Variants in HIVEP3 observed in about 807,000 individuals in gnomAD.
HIVEP3 encodes the protein HIVEP zinc finger 3, also known as transcription factor HIVEP3.
HIVEP3 carries 49 observed loss-of-function variants against 152.8 expected under a neutral mutation model. The observed-to-expected ratio is 0.32, with a 90% CI of 0.26 to 0.41. The LOEUF is 0.41. HIVEP3 is among the 10% of genes least tolerant of loss of function. The pLI is 1.00. For synonymous variants in HIVEP3, 1,269 were observed against 1,289.0 expected (o/e 0.98, Z 0.33); for missense variants, 2,790 against 3,103.3 (o/e 0.90, Z 2.40).
chr1:41,696,507 C>T (rs1013072169), intron 2 of HIVEP3, among the ~76,000 whole-genome samples: 3 of 152,238 alleles, frequency 2.0e-5, no homozygotes, highest in Admixed American at 1.3e-4. Context: ...CCAAGGCCAG[C>T]GGGCCTGAGA....
rs1645765397 is a variant in HIVEP3 at position 41,664,560 on chromosome 1, G to A, written c.-720-35613C>T. Among the ~76,000 whole-genome samples, 4 of 152,158 alleles carry A rather than the reference G, an allele frequency of 2.6e-5. No individual in the cohort carries two copies. ...CTCTTCCTCAGACTGGGAGCTTCAG[G>A]GAACTTTCCATCTTGATCCCTCTCC... On this transcript the variant is annotated intron_variant, in intron 2 of 8. Transcript: ENST00000372583. The surrounding 1 kb of genome is among the most constrained non-coding windows in gnomAD (Gnocchi z 4.4).
chr1:41,949,821 C>T (rs999276665), intron 1 of HIVEP3, among the ~76,000 whole-genome samples: 3 of 152,198 alleles, frequency 2.0e-5, no homozygotes, highest in African/African-American at 7.2e-5. Flanking sequence ...TACCGTGGAT[C>T]CCTGGACCAG....
At chr1:41,997,589 A>G (rs1645403364) in intron 1 of HIVEP3, among the ~76,000 whole-genome samples, 1 of 152,228 alleles carries the variant, frequency 6.6e-6, no homozygotes, top group African/African-American at 2.4e-5. Context: ...CAAGTTTTAA[A>G]TTATGTGAGT....
intron 1 of HIVEP3, among the ~76,000 whole-genome samples, chr1:41,915,849 G>A (rs989562369): frequency 6.6e-6 from 1 of 152,218 alleles, no homozygotes; most frequent in African/African-American, 2.4e-5. Context: ...AGTGCTGCCT[G>A]TTGATACAGC....
chr1:41,953,760 A>T (rs147330662), intron 1 of HIVEP3, among the ~76,000 whole-genome samples: 472 of 152,356 alleles, frequency 3.1e-3, no homozygotes, highest in African/African-American at 0.011. Context: ...AATGAGAGGA[A>T]GAAGGAAGGA....
chr1:41,844,272 AAGG>A (rs1449083722), intron 1 of HIVEP3, among the ~76,000 whole-genome samples: 1 of 152,212 alleles, frequency 6.6e-6, no homozygotes, highest in Non-Finnish European at 1.5e-5. Context: ...CTAAACTAAC[AAGG>A]AGAAGAACGC....
chr1:41,881,349 C>T (rs1465791625), intron 1 of HIVEP3, among the ~76,000 whole-genome samples: 1 of 152,202 alleles, frequency 6.6e-6, no homozygotes, highest in Non-Finnish European at 1.5e-5. Context: ...AAGGCCAAGT[C>T]TCTGGGGCAA....
intron 3 of HIVEP3, among the ~76,000 whole-genome samples, chr1:41,594,528 TTA>T: frequency 6.6e-6 from 1 of 152,212 alleles, no homozygotes; most frequent in South Asian, 2.1e-4. Flanking sequence ...GGCCGATATC[TTA>T]TGTTTTAAAA....
rs141142079 is a variant in HIVEP3 at position 41,513,178 on chromosome 1, C to T, written c.6043G>A (p.Val2015Met). 1,057 of 1,613,838 alleles carry T rather than the reference C, an allele frequency of 6.5e-4. No homozygotes were observed. Among genetic ancestry groups the T allele is most frequent in the Non-Finnish European group, 8.2e-4 (967 of 1,179,974 alleles). Residue 2015 changes from valine (V) to methionine (M), a missense_variant, in exon 8 of 9, where the codon GTG becomes ATG. Transcript: ENST00000372583. ...GCGCCCATGCCCCTTCCTGGGTCCA[C>T]GTGCAGGCCAGGTGGGCTTGGGGCT... ...ASAPSPPGLH[V>M]DPGRGMGALP...
chr1:41,795,021 C>T (rs995567862), intron 1 of HIVEP3, among the ~76,000 whole-genome samples: 3 of 152,174 alleles, frequency 2.0e-5, no homozygotes, highest in Non-Finnish European at 4.4e-5. Context: ...TCAAATGGAC[C>T]TAAGACTATA....
chr1:41,547,803 C>G (rs951960065), intron 5 of HIVEP3, among the ~76,000 whole-genome samples: 9 of 152,312 alleles, frequency 5.9e-5, no homozygotes, highest in Admixed American at 5.9e-4. Context: ...GTGGCCTCTT[C>G]CATTTGATGG....
chr1:41,970,306 G>T (rs1478460173), intron 1 of HIVEP3, among the ~76,000 whole-genome samples: 5 of 152,176 alleles, frequency 3.3e-5, no homozygotes, highest in Non-Finnish European at 7.3e-5. Flanking sequence ...ATCAATGATG[G>T]ACTAGATAAA....
chr1:41,709,377 T>A (rs939356047), intron 1 of HIVEP3, among the ~76,000 whole-genome samples: 2 of 152,192 alleles, frequency 1.3e-5, no homozygotes, highest in African/African-American at 4.8e-5. Context: ...GACAGCTGCA[T>A]CCGGGTCATG....
chr1:41,610,161 C>G (rs1280032518), intron 3 of HIVEP3, among the ~76,000 whole-genome samples: 1 of 152,208 alleles, frequency 6.6e-6, no homozygotes, highest in African/African-American at 2.4e-5. Flanking sequence ...AAATCTCTCT[C>G]TCTGTATACA....
chr1:42,008,501 A>G (rs1645474199), intron 1 of HIVEP3, among the ~76,000 whole-genome samples: 1 of 152,174 alleles, frequency 6.6e-6, no homozygotes, highest in Non-Finnish European at 1.5e-5. Context: ...TGCTTTCTAA[A>G]TCGGCTCCAC....
intron 1 of HIVEP3, among the ~76,000 whole-genome samples, chr1:41,813,673 A>G (rs1436257247): frequency 6.6e-6 from 1 of 152,242 alleles, no homozygotes; most frequent in Non-Finnish European, 1.5e-5. Context: ...GGGACCATGC[A>G]GTGCTCTCTG....
chr1:41,701,802 T>C (rs1461229043), intron 1 of HIVEP3, among the ~76,000 whole-genome samples: 1 of 152,240 alleles, frequency 6.6e-6, no homozygotes, highest in African/African-American at 2.4e-5. Flanking sequence ...ACATACTCAT[T>C]TGAGACATAT....
chr1:41,801,872 G>C (rs548175633), intron 1 of HIVEP3, among the ~76,000 whole-genome samples: 2 of 152,300 alleles, frequency 1.3e-5, no homozygotes, highest in East Asian at 3.9e-4. Context: ...AAGGGCCTTC[G>C]TTGCTTTGAC....
chr1:41,510,944 C>A lies in HIVEP3; in HGVS notation c.6728G>T (p.Arg2243Leu), dbSNP rs770448762. Residue 2243 changes from arginine (R) to leucine (L), a missense_variant, in exon 9 of 9, where the codon CGC (arginine) becomes CTC (leucine). By Grantham distance (102) the Arg-to-Leu change is moderately radical. Around this residue, in one of 9 missense-constraint regions of HIVEP3, gnomAD observed 816 missense variants for 806.5 expected, o/e 1.01. Transcript: ENST00000372583. ...TGAREAQERGRWSPTESSSAS... is the reference protein window; with the variant it reads ...TGAREAQERGLWSPTESSSAS... The stretch of plus-strand genomic sequence containing the variant: ...TGACGAGCTCTCAGTGGGACTCCAG[C>A]GGCCTCGCTCCTGGGCCTCCCGGGC... 1 of 1,613,454 alleles carries A rather than the reference C, an allele frequency of 6.2e-7. No individual in the cohort carries two copies. The highest frequency in any genetic ancestry group is 8.5e-7 in the Non-Finnish European group (1 of 1,179,868).
Sources: gnomAD v4.1 joint callset for allele counts (sites outside exome capture counted in the v4.1 genomes callset) on GRCh38, gnomAD v4.1.1 for gene constraint, gnomAD v4.1.1 regional missense constraint, Gnocchi (gnomAD v3.1) non-coding constraint, MANE v1.5 for transcripts, NCBI Gene and HGNC (gene_info 2026-07-23, HGNC 2026-07-21) for gene names.